The following SCG5 variants were observed in gnomAD, a reference collection of about 807,000 sequenced individuals.
SCG5 encodes secretogranin V, also known as neuroendocrine protein 7B2.
In SCG5, 18 loss-of-function variants were observed where a neutral mutation model predicts 25.7. The observed-to-expected ratio is 0.70, with a 90% CI of 0.48 to 1.04. The LOEUF is 1.04. SCG5 is among the 50% of genes least tolerant of loss of function. The pLI is 0.00. For synonymous variants in SCG5, 101 were observed against 91.7 expected (o/e 1.10, Z -0.58); for missense variants, 206 against 259.8 (o/e 0.79, Z 1.42).
intron 3 of SCG5, 173 bp from the exon 4 acceptor site, chr15:32,684,384 A>T (rs149372717): frequency 1.3e-4 from 75 of 587,256 alleles, no homozygotes; most frequent in African/African-American, 1.2e-3. Flanking sequence ...GGAGTTTGAG[A>T]TGAGTAATCC....
chr15:32,672,931 A>G (rs1219827370), intron 2 of SCG5: 1 of 107,650 alleles, frequency 9.3e-6, no homozygotes, highest in Non-Finnish European at 1.9e-5. Flanking sequence ...AAAAAAAAAA[A>G]AAGAGACAGA....
chr15:32,673,730 GGTTTGTTT>G (rs952127895), intron 2 of SCG5, among the ~76,000 whole-genome samples: 22 of 151,908 alleles, frequency 1.4e-4, no homozygotes, highest in Admixed American at 1.4e-3. Context: ...ATTTAATATA[GGTTTGTTT>G]GTTTGTTTGT....
intron 2 of SCG5, among the ~76,000 whole-genome samples, chr15:32,668,085 T>C (rs1220740550): frequency 6.6e-6 from 1 of 152,180 alleles, no homozygotes; most frequent in Non-Finnish European, 1.5e-5. Context: ...ACCAAAGGGT[T>C]GTAGAGGATT....
At chr15:32,690,241 C>G (rs1365692004) in intron 4 of SCG5, among the ~76,000 whole-genome samples, 1 of 152,210 alleles carries the variant, frequency 6.6e-6, no homozygotes, top group African/African-American at 2.4e-5. Flanking sequence ...CTGACAGTCC[C>G]ACCCCATGGT....
chr15:32,689,427 C>T (rs1433432434), intron 4 of SCG5, among the ~76,000 whole-genome samples: 2 of 152,092 alleles, frequency 1.3e-5, no homozygotes, highest in African/African-American at 4.8e-5. Flanking sequence ...ACTTTCCTTC[C>T]TAGCCCTGGA....
At chr15:32,665,375 T>TA (rs1053760216) in intron 2 of SCG5, among the ~76,000 whole-genome samples, 9 of 152,076 alleles carry the variant, frequency 5.9e-5, no homozygotes, top group Non-Finnish European at 8.8e-5. Context: ...TTTTTTTTTT[T>TA]ATTTGTTTGT....
intron 2 of SCG5, among the ~76,000 whole-genome samples, chr15:32,673,459 G>T (rs2054474521): frequency 6.6e-6 from 1 of 151,868 alleles, no homozygotes; most frequent in Non-Finnish European, 1.5e-5. Flanking sequence ...CTGGGAGCTT[G>T]TGAGGAATGC....
intron 4 of SCG5, among the ~76,000 whole-genome samples, chr15:32,690,364 C>G (rs2054827080): frequency 6.6e-6 from 1 of 152,244 alleles, no homozygotes; most frequent in Non-Finnish European, 1.5e-5. Context: ...CTAACACCAG[C>G]TCTTCGGATA....
chr15:32,681,335 C>T (rs1396882248), intron 3 of SCG5, among the ~76,000 whole-genome samples: 1 of 152,068 alleles, frequency 6.6e-6, no homozygotes, highest in Non-Finnish European at 1.5e-5. Flanking sequence ...GAGTAGCTTG[C>T]ATAAGGTTAT....
chr15:32,691,220 TC>T (rs1316831266), intron 4 of SCG5, among the ~76,000 whole-genome samples: 4 of 152,186 alleles, frequency 2.6e-5, no homozygotes, highest in Non-Finnish European at 5.9e-5. Flanking sequence ...TTTCCAATTG[TC>T]TTGACTGGGG....
chr15:32,650,494 AG>A (rs2054016827), intron 2 of SCG5, among the ~76,000 whole-genome samples: 1 of 152,200 alleles, frequency 6.6e-6, no homozygotes, highest in African/African-American at 2.4e-5. Context: ...TCTTCTCCCA[AG>A]CCCACGGTTG....
intron 4 of SCG5, among the ~76,000 whole-genome samples, chr15:32,686,057 C>CGT (rs2054703274): frequency 6.6e-6 from 1 of 152,184 alleles, no homozygotes; most frequent in African/African-American, 2.4e-5. Flanking sequence ...CTGTCTTCAA[C>CGT]ATACACACAT....
chr15:32,644,524 A>C (rs1225562741), intron 2 of SCG5, among the ~76,000 whole-genome samples: 1 of 152,250 alleles, frequency 6.6e-6, no homozygotes, highest in Non-Finnish European at 1.5e-5. Flanking sequence ...TACTTGTATT[A>C]GAAAGCAGTA....
chr15:32,666,223 G>A (rs1451372838), intron 2 of SCG5: 5 of 152,208 alleles, frequency 3.3e-5, no homozygotes, highest in African/African-American at 9.7e-5. Flanking sequence ...GTAGGGATAT[G>A]TTACATAAGA....
intron 5 of SCG5, among the ~76,000 whole-genome samples, chr15:32,693,226 T>G (rs1053977700): frequency 1.1e-4 from 17 of 152,238 alleles, no homozygotes; most frequent in Non-Finnish European, 2.9e-5. Flanking sequence ...CCACCATTCC[T>G]TCTGCCCTGA....
chr15:32,696,191 C>A (rs184397916), intron 5 of SCG5, among the ~76,000 whole-genome samples: 1 of 152,154 alleles, frequency 6.6e-6, no homozygotes, highest in Non-Finnish European at 1.5e-5. Flanking sequence ...GACGTCTGCT[C>A]ACTGCAAGCT....
chr15:32,692,225 A>G, intron 5 of SCG5: 1 of 993,688 alleles, frequency 1.0e-6, no homozygotes, highest in South Asian at 4.7e-5. Context: ...GCAAAAGATG[A>G]GATGAACAAA....
At chr15:32,656,749 G>C (rs922485240) in intron 2 of SCG5, among the ~76,000 whole-genome samples, 1 of 152,204 alleles carries the variant, frequency 6.6e-6, no homozygotes, top group African/African-American at 2.4e-5. Context: ...GAACCAATTG[G>C]TGCAAATACC....
At chr15:32,662,645 T>TG (rs763525447) in intron 2 of SCG5, among the ~76,000 whole-genome samples, 61 of 152,244 alleles carry the variant, frequency 4.0e-4, no homozygotes, top group Non-Finnish European at 7.6e-4. Context: ...GAGGAAGACT[T>TG]GAGGCAAGTT....
Sources: gnomAD v4.1 joint callset for allele counts (sites outside exome capture counted in the v4.1 genomes callset) on GRCh38, gnomAD v4.1.1 for gene constraint, MANE v1.5 for transcripts, NCBI Gene and HGNC (gene_info 2026-07-23, HGNC 2026-07-21) for gene names.